PPP1R12A: variants seen among roughly 807,000 people sequenced by gnomAD.
PPP1R12A encodes myosin binding subunit.
PPP1R12A carries 19 observed loss-of-function variants against 139.6 expected under a neutral mutation model. The ratio of observed to expected loss-of-function variants is 0.14; its 90% CI spans 0.09 to 0.20. The LOEUF is 0.20. Ranked by LOEUF, PPP1R12A falls within the 10% of genes least tolerant of loss-of-function variation. The pLI is 1.00. For synonymous variants in PPP1R12A, 427 were observed against 420.6 expected, an observed-to-expected ratio of 1.02 and a Z score of -0.19; for missense variants, 925 against 1,211.5, an observed-to-expected ratio of 0.76 and a Z score of 3.51.
chr12:79,914,340 CTATAA>C lies in PPP1R12A; in HGVS notation c.237+20350_237+20354del, dbSNP rs376432992. 5.9e-4 allele frequency among the ~76,000 whole-genome samples: 90 copies of C among 151,928 alleles called. 1 individual carries two copies. The South Asian group carries it at 0.013, about 23-fold the overall frequency. ...TTTCTAATGGTAAAACTTTGCAAAA[CTATAA>C]TATAATATAATCAGAATATTAACAT... On this transcript the variant is annotated intron_variant, in intron 1 of 24. Transcript: ENST00000450142.
At chr12:79,903,450 C>CAAA (rs35870019) in intron 1 of PPP1R12A, among the ~76,000 whole-genome samples, 29 of 134,088 alleles carry the variant, frequency 2.2e-4, no homozygotes, top group African/African-American at 7.4e-4. Context: ...GACTCCATCT[C>CAAA]AAAAAAAAAA....
chr12:79,822,213 T>C (rs749980123), intron 5 of PPP1R12A, 23 bp from the exon 6 acceptor site: 22 of 1,512,746 alleles, frequency 1.5e-5, no homozygotes, highest in Non-Finnish European at 1.8e-5. Context: ...CAAGGGGGGA[T>C]GGTGATGGTC....
intron 17 of PPP1R12A, among the ~76,000 whole-genome samples, chr12:79,796,257 A>C (rs1872498458): frequency 6.6e-6 from 1 of 152,028 alleles, no homozygotes; most frequent in Non-Finnish European, 1.5e-5. Flanking sequence ...CAGAATTTAA[A>C]TAGAAAGTTT....
intron 24 of PPP1R12A, chr12:79,777,763 A>G: frequency 1.8e-6 from 1 of 544,124 alleles, no homozygotes; most frequent in Non-Finnish European, 2.3e-6. Flanking sequence ...TCTTAAAGGA[A>G]CAAGAGATTC....
At position 79,843,427 on chromosome 12, in the gene PPP1R12A, T is replaced by C. The variant is rs563861082; in HGVS notation, c.487+1875A>G. Among the ~76,000 whole-genome samples, 89 of 151,308 alleles carry C rather than the reference T, an allele frequency of 5.9e-4. 2 individuals carry two copies. The East Asian group carries it at 0.018, about 30-fold the overall frequency. On this transcript the variant is annotated intron_variant, in intron 3 of 24. Coordinates refer to ENST00000450142, the MANE Select transcript of PPP1R12A (RefSeq NM_002480.3). ...CCCATCTCTACTAAAAATACAAAAA[T>C]ATTAGCCAGGCACGGTGGCAGGCGC...
intron 1 of PPP1R12A, among the ~76,000 whole-genome samples, chr12:79,926,213 T>A (rs1343874178): frequency 6.6e-6 from 1 of 152,228 alleles, no homozygotes; most frequent in Non-Finnish European, 1.5e-5. Context: ...TAAGACAGAA[T>A]CTCGCTCTGT....
At chr12:79,840,403 T>C (rs1164345167) in intron 3 of PPP1R12A, among the ~76,000 whole-genome samples, 1 of 152,182 alleles carries the variant, frequency 6.6e-6, no homozygotes, top group Non-Finnish European at 1.5e-5. Context: ...TCCCCCTCCT[T>C]ATGGTTCTCC....
intron 1 of PPP1R12A, among the ~76,000 whole-genome samples, chr12:79,880,083 G>C (rs907803294): frequency 6.6e-5 from 10 of 151,828 alleles, no homozygotes; most frequent in African/African-American, 2.4e-4. Context: ...AATTCCTTTA[G>C]CTATTTTTCA....
Position 79,779,302 on chromosome 12 carries a change from A to C in PPP1R12A, c.2956-702T>G, listed in dbSNP as rs1182770227. 3 of 1,288,540 alleles carry C rather than the reference A, an allele frequency of 2.3e-6. No homozygotes were observed. In the African/African-American group the frequency reaches 4.6e-5, roughly 20 times the overall value. The allele number at this position is 1,288,540 out of a possible 1,614,324, so 79.8% of individuals were successfully genotyped here. A position where few individuals can be genotyped will look rare whatever the true frequency, so the allele number is the denominator to read the frequency against. On this transcript the variant is annotated intron_variant, in intron 23 of 24. Transcript: ENST00000450142. ...CAAGCAGCAGTAATTGATGAGCTGT[A>C]AAACTGGTTAGGTCATACCGCCCAG... is the stretch of plus-strand genomic sequence containing the variant.
chr12:79,776,046 T>G (rs1353101174), intron 24 of PPP1R12A, 31 bp from the exon 25 acceptor site: 1 of 1,253,762 alleles, frequency 8.0e-7, no homozygotes, highest in Non-Finnish European at 1.1e-6. Flanking sequence ...GATCAAGTTT[T>G]ACCTTCAATA....
chr12:79,810,621 A>C (rs1874409758), intron 9 of PPP1R12A, among the ~76,000 whole-genome samples: 1 of 152,244 alleles, frequency 6.6e-6, no homozygotes, highest in African/African-American at 2.4e-5. Context: ...ATAATTTTAT[A>C]ATTAACCCCA....
chr12:79,851,684 G>A (rs567736122), intron 2 of PPP1R12A, among the ~76,000 whole-genome samples: 1 of 152,056 alleles, frequency 6.6e-6, no homozygotes, highest in South Asian at 2.1e-4. Context: ...GCCAAATTTG[G>A]GAAAAGTTTT....
intron 1 of PPP1R12A, among the ~76,000 whole-genome samples, chr12:79,883,288 T>C (rs1327411574): frequency 6.6e-6 from 1 of 152,172 alleles, no homozygotes; most frequent in Admixed American, 6.5e-5. Context: ...TTTTTAAAGA[T>C]ATAATGCTAC....
rs1302613820 is a variant in PPP1R12A at position 79,872,858 on chromosome 12, G to C, written c.318C>G (p.Gly106=). 1.2e-5 allele frequency: 19 copies of C among 1,613,344 alleles called. No homozygotes were observed. The highest frequency in any genetic ancestry group is 1.5e-5 in the Non-Finnish European group (18 of 1,179,638). Residue 106 remains glycine (G), a synonymous_variant, in exon 2 of 25, where the codon GGC becomes GGG. Coordinates refer to ENST00000450142, the MANE Select transcript of PPP1R12A (RefSeq NM_002480.3). Reference sequence around the variant, plus strand: ...AAGCTGCTGCATGTAGTGGTATCCAGCCTTCATTATCAGGTTGATTAATAT... The same window carrying C: ...AAGCTGCTGCATGTAGTGGTATCCACCCTTCATTATCAGGTTGATTAATAT... ...GANINQPDNE[G]WIPLHAAASC... is the part of the protein sequence containing the mutation.
chr12:79,854,570 GAA>G (rs1353083010), intron 2 of PPP1R12A, among the ~76,000 whole-genome samples: 1 of 152,166 alleles, frequency 6.6e-6, no homozygotes, highest in Non-Finnish European at 1.5e-5. Flanking sequence ...ATGCACATTT[GAA>G]AAGTTAAGAC....
intron 1 of PPP1R12A, among the ~76,000 whole-genome samples, chr12:79,907,528 G>A (rs1886227119): frequency 1.3e-5 from 2 of 152,178 alleles, no homozygotes; most frequent in South Asian, 4.1e-4. Context: ...CAGAGCAAGT[G>A]CCTACAAAGA....
chr12:79,935,097 T>G lies in PPP1R12A; in HGVS notation c.-166A>C. On this transcript the variant is annotated 5_prime_UTR_variant, in exon 1 of 25. Coordinates refer to ENST00000450142, the MANE Select transcript of PPP1R12A (RefSeq NM_002480.3). ...AGACTTCCAGTATCCCACAGAGCAC[T>G]GGGGCGGCGCACCCGGCCGAGCGGA... 1 of 1,371,478 alleles carries G rather than the reference T, an allele frequency of 7.3e-7. No homozygotes were observed. The allele number at this position is 1,371,478 out of a possible 1,614,324, so 85.0% of individuals were successfully genotyped here.
At chr12:79,829,322 G>A (rs760071671) in intron 4 of PPP1R12A, among the ~76,000 whole-genome samples, 1 of 152,098 alleles carries the variant, frequency 6.6e-6, no homozygotes, top group Non-Finnish European at 1.5e-5. Flanking sequence ...TGTTGAGCTT[G>A]AGAAGGACCT....
intron 4 of PPP1R12A, among the ~76,000 whole-genome samples, chr12:79,829,732 A>AG (rs1226340613): frequency 6.6e-6 from 1 of 152,146 alleles, no homozygotes; most frequent in Non-Finnish European, 1.5e-5. Flanking sequence ...GGAATGTAAG[A>AG]GAAAAACGCT....
Sources: allele counts gnomAD v4.1 joint callset (sites outside exome capture counted in the v4.1 genomes callset), GRCh38; gene constraint gnomAD v4.1.1; transcripts MANE v1.5; gene names NCBI Gene and HGNC (gene_info 2026-07-23, HGNC 2026-07-21).